Variants in HNF4A observed in about 807,000 individuals in gnomAD.
HNF4A encodes hepatocyte nuclear factor 4 alpha.
HNF4A carries 15 observed loss-of-function variants against 52.4 expected under a neutral mutation model. The ratio of observed to expected loss-of-function variants is 0.29; its 90% CI spans 0.19 to 0.44. The LOEUF (loss-of-function observed/expected upper bound fraction) is 0.44, where lower values mean the gene tolerates loss of function less well. HNF4A is among the 20% of genes least tolerant of loss of function. The pLI, the probability that HNF4A is intolerant of heterozygous loss-of-function variation, is 1.00. For synonymous variants in HNF4A, 280 were observed against 264.4 expected, an observed-to-expected ratio of 1.06 and a Z score of -0.57; for missense variants, 479 against 647.2, an observed-to-expected ratio of 0.74 and a Z score of 2.82.
chr20:44,397,761 AG>A (rs1331648794), upstream of HNF4A, among the ~76,000 whole-genome samples: 1 of 152,086 alleles, frequency 6.6e-6, no homozygotes, highest in East Asian at 1.9e-4. Context: ...CCTGGACTGC[AG>A]GGGCATGCCA....
intron 1 of HNF4A, among the ~76,000 whole-genome samples, chr20:44,370,069 C>T (rs1487570717): frequency 6.6e-6 from 1 of 152,150 alleles, no homozygotes; most frequent in Non-Finnish European, 1.5e-5. Context: ...CTCTTTCACC[C>T]AGGCTGGAGT....
At chr20:44,361,340 A>G (rs1476580845) in intron 1 of HNF4A, among the ~76,000 whole-genome samples, 1 of 152,170 alleles carries the variant, frequency 6.6e-6, no homozygotes, top group East Asian at 1.9e-4. Context: ...ACTTTCTCCC[A>G]TTTAGTAAAC....
At chr20:44,364,430 TC>T (rs1656592471) in intron 1 of HNF4A, among the ~76,000 whole-genome samples, 1 of 152,196 alleles carries the variant, frequency 6.6e-6, no homozygotes, top group East Asian at 1.9e-4. Flanking sequence ...CCAGTGTGTT[TC>T]AAACTGCAAT....
chr20:44,379,165 C>T (rs1351395648), intron 1 of HNF4A, among the ~76,000 whole-genome samples: 1 of 152,100 alleles, frequency 6.6e-6, no homozygotes, highest in East Asian at 1.9e-4. Context: ...CCATTGTATG[C>T]ATATACCACA....
At chr20:44,380,270 G>A (rs1462669705) in intron 1 of HNF4A, among the ~76,000 whole-genome samples, 1 of 152,136 alleles carries the variant, frequency 6.6e-6, no homozygotes, top group Admixed American at 6.5e-5. Context: ...ATCTTCCTTG[G>A]AGAAATGCCT....
intron 8 of HNF4A, among the ~76,000 whole-genome samples, chr20:44,427,998 G>C (rs1489972554): frequency 6.6e-6 from 1 of 152,190 alleles, no homozygotes; most frequent in Non-Finnish European, 1.5e-5. Flanking sequence ...TGCACTCCAA[G>C]GAGCTTTGAG....
At chr20:44,390,819 C>G (rs1354876735) in intron 1 of HNF4A, 1 of 612,412 alleles carries the variant, frequency 1.6e-6, no homozygotes, top group African/African-American at 1.8e-5. Flanking sequence ...ACGTCCATGG[C>G]CCTGATGGGT....
At chr20:44,419,377 G>A (rs1028118139) in intron 6 of HNF4A, among the ~76,000 whole-genome samples, 1 of 152,236 alleles carries the variant, frequency 6.6e-6, no homozygotes, top group African/African-American at 2.4e-5. Flanking sequence ...AGCCATTTAA[G>A]CAGGGCAGTG....
intron 1 of HNF4A, among the ~76,000 whole-genome samples, chr20:44,394,767 G>T (rs1189518863): frequency 6.6e-6 from 1 of 152,228 alleles, no homozygotes; most frequent in African/African-American, 2.4e-5. Flanking sequence ...GCATAACCCT[G>T]GAGGCCTCCT....
intron 6 of HNF4A, among the ~76,000 whole-genome samples, chr20:44,419,025 C>T (rs2063706626): frequency 1.3e-5 from 2 of 152,174 alleles, no homozygotes; most frequent in South Asian, 4.1e-4. Flanking sequence ...ATCCACCCGC[C>T]TCAGTCTCCC....
At chr20:44,370,236 C>A (rs2063019875) in intron 1 of HNF4A, among the ~76,000 whole-genome samples, 1 of 152,190 alleles carries the variant, frequency 6.6e-6, no homozygotes, top group South Asian at 2.1e-4. Flanking sequence ...ACCGTGTTAG[C>A]CAGGATGGTC....
chr20:44,427,007 G>T (rs1477112567), intron 8 of HNF4A, among the ~76,000 whole-genome samples: 1 of 152,196 alleles, frequency 6.6e-6, no homozygotes, highest in Non-Finnish European at 1.5e-5. Flanking sequence ...CGAGGGTGAG[G>T]TTTCTCAACA....
intron 5 of HNF4A, among the ~76,000 whole-genome samples, chr20:44,418,041 G>A (rs1355027679): frequency 6.6e-6 from 1 of 151,952 alleles, no homozygotes; most frequent in Admixed American, 6.6e-5. Context: ...TGGTCCATGG[G>A]TGGGAATTTG....
chr20:44,402,537 C>T (rs946097336), intron 1 of HNF4A: 20 of 1,357,338 alleles, frequency 1.5e-5, no homozygotes, highest in East Asian at 1.4e-4. Context: ...GCAACATGTC[C>T]GTTTGTCTCT....
chr20:44,356,177 G>C (rs1350421605), intron 1 of HNF4A, among the ~76,000 whole-genome samples: 1 of 152,270 alleles, frequency 6.6e-6, no homozygotes, highest in East Asian at 1.9e-4. Context: ...TGGAAGCACC[G>C]TCCTGTTTCG....
chr20:44,392,536 G>T (rs1355959242), intron 1 of HNF4A, among the ~76,000 whole-genome samples: 1 of 152,118 alleles, frequency 6.6e-6, no homozygotes, highest in Non-Finnish European at 1.5e-5. Flanking sequence ...TAGACATAGG[G>T]TCTCACTATG....
intron 6 of HNF4A, among the ~76,000 whole-genome samples, chr20:44,419,224 T>C (rs2063709773): frequency 6.6e-6 from 1 of 152,234 alleles, no homozygotes. Flanking sequence ...GGGACTGTGC[T>C]CACTGCTTTG....
intron 1 of HNF4A, among the ~76,000 whole-genome samples, chr20:44,393,232 C>T (rs1206618178): frequency 1.3e-5 from 2 of 152,204 alleles, no homozygotes; most frequent in Non-Finnish European, 2.9e-5. Flanking sequence ...GGAACATAAA[C>T]AGGAGGGATG....
At chr20:44,426,080 G>A (rs909332340) in intron 8 of HNF4A, among the ~76,000 whole-genome samples, 1 of 152,184 alleles carries the variant, frequency 6.6e-6, no homozygotes, top group African/African-American at 2.4e-5. Context: ...TGGAATCAGG[G>A]GGAAGATGGA....
Sources: allele counts gnomAD v4.1 joint callset (sites outside exome capture counted in the v4.1 genomes callset), GRCh38; gene constraint gnomAD v4.1.1; transcripts MANE v1.5; gene names NCBI Gene and HGNC (gene_info 2026-07-23, HGNC 2026-07-21).